The following CENPK variants were observed in gnomAD, a reference collection of about 807,000 sequenced individuals.
The protein encoded by CENPK is SoxLZ/Sox6-binding protein Solt.
A neutral mutation model predicts 40.9 loss-of-function variants in CENPK; 46 were observed. That is an observed-to-expected ratio of 1.13 (90% CI 0.89 to 1.44). The LOEUF is 1.44. CENPK is among the 40% of genes most tolerant of loss of function. The pLI is 0.00. For missense variants in CENPK, 288 were observed against 303.5 expected, an observed-to-expected ratio of 0.95 and a Z score of 0.38; for synonymous variants, 107 against 104.4, an observed-to-expected ratio of 1.02 and a Z score of -0.15.
intron 9 of CENPK, among the ~76,000 whole-genome samples, chr5:65,522,335 C>T (rs1183685616): frequency 6.6e-6 from 1 of 152,256 alleles, no homozygotes; most frequent in East Asian, 1.9e-4. Context: ...CCAATTCTAC[C>T]CAAGAGTTCC....
At chr5:65,520,079 T>C (rs1374021244) in intron 10 of CENPK, among the ~76,000 whole-genome samples, 1 of 152,046 alleles carries the variant, frequency 6.6e-6, no homozygotes, top group African/African-American at 2.4e-5. Flanking sequence ...ATGTTGGAGG[T>C]GGAGCCTGGT....
At chr5:65,532,613 G>T (rs568073308) in intron 6 of CENPK, among the ~76,000 whole-genome samples, 1 of 152,138 alleles carries the variant, frequency 6.6e-6, no homozygotes, top group Non-Finnish European at 1.5e-5. Context: ...ATCAATTTTT[G>T]TATTTTTAGT....
intron 2 of CENPK, among the ~76,000 whole-genome samples, chr5:65,557,761 C>T (rs1751237379): frequency 6.6e-6 from 1 of 152,130 alleles, no homozygotes; most frequent in Non-Finnish European, 1.5e-5. Flanking sequence ...TTTTACACCT[C>T]TACATTCTGG....
intron 5 of CENPK, among the ~76,000 whole-genome samples, chr5:65,544,792 A>G (rs538505977): frequency 7.9e-5 from 12 of 152,312 alleles, no homozygotes; most frequent in Non-Finnish European, 1.6e-4. Flanking sequence ...AAACACAAAT[A>G]CTATATGATT....
downstream of CENPK, among the ~76,000 whole-genome samples, chr5:65,515,914 G>A (rs1475361405): frequency 1.3e-5 from 2 of 152,150 alleles, no homozygotes; most frequent in African/African-American, 4.8e-5. Flanking sequence ...TTCTGAAGAC[G>A]AAGTCTGGGA....
intron 5 of CENPK, among the ~76,000 whole-genome samples, chr5:65,548,515 C>T (rs370558536): frequency 1.3e-5 from 2 of 151,390 alleles, no homozygotes; most frequent in Admixed American, 6.6e-5. Flanking sequence ...ATTGACTCTT[C>T]GTTTCACAAA....
chr5:65,540,520 A>G (rs947042658), intron 6 of CENPK, among the ~76,000 whole-genome samples: 4 of 152,212 alleles, frequency 2.6e-5, no homozygotes, highest in African/African-American at 9.6e-5. Context: ...AAAAAAGACC[A>G]AAACCTGACT....
chr5:65,551,502 T>C, intron 5 of CENPK, 62 bp downstream of exon 5: 2 of 914,914 alleles, frequency 2.2e-6, no homozygotes, highest in Non-Finnish European at 1.6e-6. Context: ...TTCCTACAAT[T>C]ATTAAATTAA....
chr5:65,504,663 C>T, the CENPK span, among the ~76,000 whole-genome samples: 1 of 151,968 alleles, frequency 6.6e-6, no homozygotes, highest in African/African-American at 2.4e-5. Flanking sequence ...TTCCTTTAAA[C>T]ATATATTGTA....
At chr5:65,508,324 T>C in the CENPK span, among the ~76,000 whole-genome samples, 2 of 152,270 alleles carry the variant, frequency 1.3e-5, no homozygotes, top group Non-Finnish European at 2.9e-5. Flanking sequence ...TTAGTTGTAA[T>C]ACTTCTATAA....
At chr5:65,548,546 G>A (rs1023941896) in intron 5 of CENPK, among the ~76,000 whole-genome samples, 10 of 152,122 alleles carry the variant, frequency 6.6e-5, no homozygotes, top group African/African-American at 2.4e-4. Flanking sequence ...GGTGGCATGA[G>A]ATGCTGTTTG....
At position 65,552,441 on chromosome 5, in the gene CENPK, A is replaced by G. The variant is rs909219818; in HGVS notation, c.168+52T>C. The G allele has an allele frequency of 2.5e-6, 3 of 1,182,676 alleles. No homozygotes were observed. The African/African-American group carries it at 4.8e-5, about 19-fold the overall frequency. The allele number at this position is 1,182,676 out of a possible 1,614,324, so 73.3% of individuals were successfully genotyped here. A position where few individuals can be genotyped will look rare whatever the true frequency, so the allele number is the denominator to read the frequency against. Reference sequence around the variant, plus strand: ...CAGACACACATATTTATTTTCCAAAATACAATTAATTCCACTTACCTTGTA... The same window carrying G: ...CAGACACACATATTTATTTTCCAAAGTACAATTAATTCCACTTACCTTGTA... On this transcript the variant is annotated intron_variant, in intron 4 of 10. Transcript: ENST00000396679.
chr5:65,505,832 A>G, the CENPK span, among the ~76,000 whole-genome samples: 1 of 152,166 alleles, frequency 6.6e-6, no homozygotes, highest in Non-Finnish European at 1.5e-5. Flanking sequence ...ACAAACTTCT[A>G]TGTGACATAT....
At chr5:65,512,352 C>T in the CENPK span, among the ~76,000 whole-genome samples, 16 of 152,186 alleles carry the variant, frequency 1.1e-4, no homozygotes, top group Non-Finnish European at 1.9e-4. Flanking sequence ...ACCTATCAAA[C>T]AGCATCTTAC....
chr5:65,545,164 A>C, intron 5 of CENPK, among the ~76,000 whole-genome samples: 1 of 152,124 alleles, frequency 6.6e-6, no homozygotes, highest in East Asian at 1.9e-4. Flanking sequence ...AATACATCAA[A>C]TGATAGCTAA....
At chr5:65,503,899 G>A in the CENPK span, among the ~76,000 whole-genome samples, 14 of 151,564 alleles carry the variant, frequency 9.2e-5, no homozygotes, top group East Asian at 2.0e-4. Context: ...CTCGTGATCC[G>A]CCCACCTTGG....
the CENPK span, among the ~76,000 whole-genome samples, chr5:65,498,351 A>G: frequency 1.3e-5 from 2 of 152,188 alleles, no homozygotes; most frequent in South Asian, 4.1e-4. Flanking sequence ...TTTATTTATT[A>G]CATTTACATA....
At chr5:65,530,922 GACA>G (rs993938061) in intron 6 of CENPK, among the ~76,000 whole-genome samples, 7 of 151,738 alleles carry the variant, frequency 4.6e-5, no homozygotes, top group African/African-American at 9.7e-5. Flanking sequence ...CAACAACAAA[GACA>G]ACAACAACAA....
At chr5:65,548,143 G>A (rs1749343745) in intron 5 of CENPK, among the ~76,000 whole-genome samples, 1 of 152,184 alleles carries the variant, frequency 6.6e-6, no homozygotes, top group Non-Finnish European at 1.5e-5. Context: ...GGATACTTTG[G>A]AGATAGTCCA....
Sources: allele counts gnomAD v4.1 joint callset (sites outside exome capture counted in the v4.1 genomes callset), GRCh38; gene constraint gnomAD v4.1.1; transcripts MANE v1.5; gene names NCBI Gene and HGNC (gene_info 2026-07-23, HGNC 2026-07-21).